The following NAALADL2 variants were observed in gnomAD, a reference collection of about 807,000 sequenced individuals.
NAALADL2 encodes inactive N-acetylated-alpha-linked acidic dipeptidase-like protein 2.
Under a neutral mutation model 87.2 loss-of-function variants are expected in NAALADL2, and 76 were observed. The observed-to-expected ratio is 0.87, with a 90% CI of 0.72 to 1.05. NAALADL2 has a LOEUF of 1.05. Ranked by LOEUF, NAALADL2 falls within the 50% of genes least tolerant of loss-of-function variation. The probability of loss-of-function intolerance (pLI) is 0.00; values close to 1 mark genes in which losing one functional copy is unlikely to be tolerated. For synonymous variants in NAALADL2, 354 were observed against 331.0 expected (o/e 1.07, Z -0.75); for missense variants, 1,089 against 945.8 (o/e 1.15, Z -1.99).
At chr3:174,834,607 G>T (rs1477641423) in intron 3 of NAALADL2, among the ~76,000 whole-genome samples, 3 of 151,840 alleles carry the variant, frequency 2.0e-5, no homozygotes, top group Non-Finnish European at 4.4e-5. Flanking sequence ...AAAGTCACAA[G>T]ATTCAAGTTT....
In NAALADL2 at chr3:175,568,318, TTAAA is replaced by T. The variant is rs537724055; in HGVS notation, c.1654-7717_1654-7714del. Among the ~76,000 whole-genome samples, 61 of 152,230 alleles carry T rather than the reference TTAAA, an allele frequency of 4.0e-4. No homozygotes were observed. The East Asian group carries it at 0.012, about 29-fold the overall frequency. ...TCACATTTTGGCATAAAAATACAAG[TTAAA>T]TAAATGAAGAATACATGGCACACAC... On this transcript the variant is annotated intron_variant, in intron 9 of 13. Transcript: ENST00000454872.
chr3:175,807,923 G>T lies in NAALADL2; in HGVS notation c.*4720G>T, dbSNP rs1576888204. The T allele has an allele frequency of 6.6e-6, 1 of 151,902 alleles. No homozygotes were observed. Among genetic ancestry groups the T allele is most frequent in the East Asian group, 1.9e-4 (1 of 5,172 alleles). The allele number at this position is 151,902 out of a possible 1,614,324, so 9.4% of individuals were successfully genotyped here. The stretch of plus-strand genomic sequence containing the variant: ...GCACTTCACAACTTTTAGGTGACAT[G>T]AATTTGAAGCGTAGCAAAAGAAATG... On this transcript the variant is annotated 3_prime_UTR_variant, in exon 14 of 14. Transcript: ENST00000454872.
At chr3:175,374,553 GAAAAAAAAAAAA>G (rs765485400) in intron 5 of NAALADL2, among the ~76,000 whole-genome samples, 162 of 45,410 alleles carry the variant, frequency 3.6e-3, no homozygotes, top group Non-Finnish European at 4.4e-3. Flanking sequence ...TGCATCTCCA[GAAAAAAAAAAAA>G]AAAAAAAAAA....
chr3:175,511,186 G>T (rs1016803071), intron 9 of NAALADL2, among the ~76,000 whole-genome samples: 6 of 152,128 alleles, frequency 3.9e-5, no homozygotes, highest in African/African-American at 1.4e-4. Context: ...CCTGACCCAA[G>T]CTAATCATAA....
At chr3:175,140,507 T>C (rs937853894) in intron 2 of NAALADL2, among the ~76,000 whole-genome samples, 6 of 152,080 alleles carry the variant, frequency 3.9e-5, no homozygotes, top group Non-Finnish European at 7.4e-5. Context: ...AGGTTAGTTA[T>C]CTCAATGGAC....
chr3:174,919,757 C>T (rs1734895885), intron 1 of NAALADL2, among the ~76,000 whole-genome samples: 1 of 152,178 alleles, frequency 6.6e-6, no homozygotes, highest in Non-Finnish European at 1.5e-5. Flanking sequence ...TTTACTTCTT[C>T]CAGATCTATC....
rs1048778719 is a variant in NAALADL2 at position 175,805,092 on chromosome 3, A to G, written c.*1889A>G. The G allele has an allele frequency of 6.6e-6, 1 of 151,664 alleles. No individual in the cohort carries two copies. Among genetic ancestry groups the G allele is most frequent in the South Asian group, 2.1e-4 (1 of 4,836 alleles). 9.4% of individuals were successfully genotyped at this position (151,664 alleles called of 1,614,324 possible). The stretch of plus-strand genomic sequence containing the variant: ...GAGGTGGGAATACACAAGCAGGTGC[A>G]TGTAAGCCCAAAAGCTAGAAAGCCT... On this transcript the variant is annotated 3_prime_UTR_variant, in exon 14 of 14. Coordinates refer to ENST00000454872, the MANE Select transcript of NAALADL2 (RefSeq NM_207015.3).
intron 10 of NAALADL2, among the ~76,000 whole-genome samples, chr3:175,588,534 C>A (rs372567407): frequency 1.3e-5 from 1 of 78,142 alleles, no homozygotes; most frequent in Non-Finnish European, 2.4e-5. Context: ...TCTTTCTTTT[C>A]TTTTTTTTTT....
chr3:174,886,848 C>T (rs1190665666), intron 1 of NAALADL2, among the ~76,000 whole-genome samples: 1 of 152,128 alleles, frequency 6.6e-6, no homozygotes, highest in Admixed American at 6.6e-5. Flanking sequence ...ACCTACTTCT[C>T]CTTTTATATT....
chr3:175,600,310 A>C, intron 10 of NAALADL2, among the ~76,000 whole-genome samples: 1 of 151,780 alleles, frequency 6.6e-6, no homozygotes, highest in Non-Finnish European at 1.5e-5. Flanking sequence ...AAATTTCTTA[A>C]GTTTCTGAAG....
chr3:174,798,719 A>AT (rs34473472), intron 3 of NAALADL2, among the ~76,000 whole-genome samples: 2,023 of 152,050 alleles, frequency 0.013, 47 homozygotes, highest in African/African-American at 0.047. Flanking sequence ...AAGAAAGTTG[A>AT]TTTTTTAGTG....
At chr3:174,553,111 A>C (rs919155225) in intron 2 of NAALADL2, among the ~76,000 whole-genome samples, 4 of 152,190 alleles carry the variant, frequency 2.6e-5, no homozygotes, top group African/African-American at 9.6e-5. Context: ...TATTTCATTC[A>C]GCACTTATAG....
chr3:175,394,108 C>T (rs974463605), intron 5 of NAALADL2, among the ~76,000 whole-genome samples: 3 of 151,944 alleles, frequency 2.0e-5, no homozygotes, highest in Admixed American at 2.0e-4. Context: ...CTTTGCTATT[C>T]CTGAGGAAAA....
chr3:174,475,773 A>G (rs1354927746), intron 1 of NAALADL2, among the ~76,000 whole-genome samples: 1 of 152,004 alleles, frequency 6.6e-6, no homozygotes, highest in Non-Finnish European at 1.5e-5. Context: ...TAGTCCACCA[A>G]TATATGGTGT....
chr3:175,176,236 T>G (rs1158124017), intron 2 of NAALADL2, among the ~76,000 whole-genome samples: 1 of 152,138 alleles, frequency 6.6e-6, no homozygotes, highest in East Asian at 1.9e-4. Flanking sequence ...CCTTTCATTT[T>G]AATGAATTGT....
intron 11 of NAALADL2, among the ~76,000 whole-genome samples, chr3:175,635,154 GT>G (rs1296080918): frequency 6.6e-6 from 1 of 152,030 alleles, no homozygotes; most frequent in Non-Finnish European, 1.5e-5. Flanking sequence ...GAGAGGTTTG[GT>G]TTATTCTTTT....
intron 1 of NAALADL2, among the ~76,000 whole-genome samples, chr3:174,887,131 C>G (rs1252140539): frequency 6.6e-6 from 1 of 152,162 alleles, no homozygotes; most frequent in African/African-American, 2.4e-5. Context: ...ATTTCCTTTG[C>G]TATTATTTTG....
Position 175,069,254 on chromosome 3 carries a change from C to T in NAALADL2, c.44-27536C>T, listed in dbSNP as rs989696210. 8.5e-4 allele frequency among the ~76,000 whole-genome samples: 127 copies of T among 149,518 alleles called. 1 individual carries two copies. The highest frequency in any genetic ancestry group is 1.6e-3 in the Non-Finnish European group (110 of 67,822). The stretch of plus-strand genomic sequence containing the variant: ...ACAAAATGGGAGAAAATTTTCGCAA[C>T]CTACTCATCTGACAAAGGGCTAATA... On this transcript the variant is annotated intron_variant, in intron 1 of 13. Transcript: ENST00000454872.
At chr3:175,775,722 T>C (rs1750140510) in intron 13 of NAALADL2, among the ~76,000 whole-genome samples, 1 of 152,208 alleles carries the variant, frequency 6.6e-6, no homozygotes, top group South Asian at 2.1e-4. Context: ...TCAGAAAGAA[T>C]CACTGAACCC....
Sources: gnomAD v4.1 joint callset for allele counts (sites outside exome capture counted in the v4.1 genomes callset) on GRCh38, gnomAD v4.1.1 for gene constraint, MANE v1.5 for transcripts, NCBI Gene and HGNC (gene_info 2026-07-23, HGNC 2026-07-21) for gene names.